Variants in PILRA observed in about 807,000 individuals in gnomAD.
PILRA encodes the protein paired immunoglobulin-like type 2 receptor alpha.
PILRA carries 37 observed loss-of-function variants against 33.1 expected under a neutral mutation model. The observed-to-expected ratio is 1.12, with a 90% CI of 0.86 to 1.47. The LOEUF is 1.47. Among genes scored for constraint, PILRA ranks in the 40% most tolerant of loss-of-function variants. PILRA has a pLI of 0.00. For synonymous variants in PILRA, 146 were observed against 149.9 expected (o/e 0.97, Z 0.19); for missense variants, 312 against 376.2 (o/e 0.83, Z 1.41).
At chr7:100,395,336 G>C (rs1240934475) in intron 3 of PILRA, among the ~76,000 whole-genome samples, 1 of 152,102 alleles carries the variant, frequency 6.6e-6, no homozygotes, top group Non-Finnish European at 1.5e-5. Flanking sequence ...TTTCAGGAGT[G>C]GGTTCACTGT....
At chr7:100,385,993 G>C (rs375594234) in intron 2 of PILRA, among the ~76,000 whole-genome samples, 1 of 150,432 alleles carries the variant, frequency 6.6e-6, no homozygotes, top group Non-Finnish European at 1.5e-5. Flanking sequence ...GAGGTGGCAC[G>C]ATCTCAGCTC....
At chr7:100,387,359 A>G (rs1019090675) in intron 2 of PILRA, among the ~76,000 whole-genome samples, 1 of 152,022 alleles carries the variant, frequency 6.6e-6, no homozygotes, top group Non-Finnish European at 1.5e-5. Flanking sequence ...GATTACAGGC[A>G]CCCGCCACCA....
Position 100,399,119 on chromosome 7 carries a change from T to C in PILRA, c.708-172T>C, listed in dbSNP as rs1325153721. 2.0e-5 allele frequency among the ~76,000 whole-genome samples: 3 copies of C among 151,980 alleles called. No individual in the cohort carries two copies. In the East Asian group the frequency reaches 5.8e-4, roughly 29 times the overall value. Reference sequence around the variant, plus strand: ...ACGTCTGGCTAGTTTTTGTATTTATTGTAGAGATGGGGTCTCGCTATGTTG... The same window carrying C: ...ACGTCTGGCTAGTTTTTGTATTTATCGTAGAGATGGGGTCTCGCTATGTTG... On this transcript the variant is annotated intron_variant, in intron 4 of 6. Transcript: ENST00000198536.
chr7:100,374,449 C>T lies in PILRA; in HGVS notation c.454+16C>T, dbSNP rs1284410013. The T allele has an allele frequency of 1.9e-6, 3 of 1,613,528 alleles. No individual in the cohort carries two copies. Among genetic ancestry groups the T allele is most frequent in the Non-Finnish European group, 2.5e-6 (3 of 1,179,968 alleles). On this transcript the variant is annotated intron_variant, in intron 2 of 6. Coordinates refer to ENST00000198536, the MANE Select transcript of PILRA (RefSeq NM_013439.3). ...ATCACCCAGGGTGAGTCCAGCTGCC[C>T]TGGCACCCGCTTTGCCCACCGCAGT...
At chr7:100,387,579 G>C (rs1791281702) in intron 2 of PILRA, among the ~76,000 whole-genome samples, 2 of 152,132 alleles carry the variant, frequency 1.3e-5, no homozygotes, top group Non-Finnish European at 2.9e-5. Flanking sequence ...AGAGGTTCAT[G>C]CTTGTAGTCC....
At position 100,399,898 on chromosome 7, in the gene PILRA, A is replaced by G; in HGVS notation, c.903A>G (p.Leu301=). The change falls in exon 7 of 7, where the codon TTA becomes TTG. Residue 301 remains leucine, a synonymous_variant. Coordinates refer to ENST00000198536, the MANE Select transcript of PILRA (RefSeq NM_013439.3). ...SPQNETLYSV[L]KA is the part of the protein sequence containing the mutation. ...AGAACGAGACCCTGTACTCTGTCTT[A>G]AAGGCCTAACCAATGGACAGCCCTC... The G allele has an allele frequency of 6.2e-7, 1 of 1,608,360 alleles. No individual in the cohort carries two copies.
At position 100,383,330 on chromosome 7, in the gene PILRA, G is replaced by T. The variant is rs947086752; in HGVS notation, c.455-6558G>T. Among the ~76,000 whole-genome samples, 8 of 152,272 alleles carry T rather than the reference G, an allele frequency of 5.3e-5. No individual in the cohort carries two copies. In the East Asian group the frequency reaches 1.5e-3, roughly 29 times the overall value. ...CAGGGCACCCGAGCCCACAGATGGG[G>T]TCCTCCAAGGCCAGCTCCAAAGGCA... On this transcript the variant is annotated intron_variant, in intron 2 of 6. Transcript: ENST00000198536.
intron 3 of PILRA, among the ~76,000 whole-genome samples, chr7:100,395,666 C>T (rs191945762): frequency 2.0e-5 from 3 of 152,036 alleles, no homozygotes; most frequent in Admixed American, 1.3e-4. Context: ...ATCAGAACTA[C>T]AGAGAGCTAT....
chr7:100,383,103 G>C (rs1791155266), intron 2 of PILRA, among the ~76,000 whole-genome samples: 1 of 152,182 alleles, frequency 6.6e-6, no homozygotes, highest in East Asian at 1.9e-4. Flanking sequence ...ACATTGAACA[G>C]GGAAGGCTGC....
chr7:100,394,765 T>C (rs1194585535), intron 3 of PILRA, among the ~76,000 whole-genome samples: 4 of 152,098 alleles, frequency 2.6e-5, no homozygotes, highest in South Asian at 4.1e-4. Context: ...ACAAATGGCA[T>C]TGGGAAAACT....
chr7:100,392,652 C>CCA (rs1791413796), intron 3 of PILRA, among the ~76,000 whole-genome samples: 1 of 151,946 alleles, frequency 6.6e-6, no homozygotes, highest in Non-Finnish European at 1.5e-5. Context: ...TATTCATACA[C>CCA]AGATAAAGCA....
At chr7:100,394,105 A>G (rs1791444136) in intron 3 of PILRA, among the ~76,000 whole-genome samples, 1 of 152,222 alleles carries the variant, frequency 6.6e-6, no homozygotes, top group Non-Finnish European at 1.5e-5. Context: ...AGACACCCCC[A>G]GGATTAGAGA....
upstream of PILRA, among the ~76,000 whole-genome samples, chr7:100,372,255 G>T (rs1790833110): frequency 2.2e-5 from 3 of 136,554 alleles, no homozygotes; most frequent in South Asian, 7.8e-4. Flanking sequence ...AGACGGAGGG[G>T]TTTCCTGAGC....
chr7:100,398,597 C>T (rs1433323453), intron 4 of PILRA, among the ~76,000 whole-genome samples: 1 of 152,210 alleles, frequency 6.6e-6, no homozygotes, highest in Non-Finnish European at 1.5e-5. Flanking sequence ...TATCCATTCA[C>T]CCAGCCTGAA....
At chr7:100,399,451 C>G (rs1157343141) in intron 5 of PILRA, 111 bp downstream of exon 5, 3 of 1,373,094 alleles carry the variant, frequency 2.2e-6, no homozygotes, top group Non-Finnish European at 3.1e-6. Context: ...CTTTCCATTC[C>G]TTGCCCCTTG....
chr7:100,393,288 A>G (rs1341235134), intron 3 of PILRA, among the ~76,000 whole-genome samples: 2 of 152,130 alleles, frequency 1.3e-5, no homozygotes, highest in Non-Finnish European at 2.9e-5. Context: ...TCAAACAAAA[A>G]AAAAAAAATT....
chr7:100,373,655 C>T lies in PILRA; in HGVS notation c.-2C>T. The T allele has an allele frequency of 6.2e-7, 1 of 1,613,614 alleles. No homozygotes were observed. Among genetic ancestry groups the T allele is most frequent in the Non-Finnish European group, 8.5e-7 (1 of 1,179,968 alleles). ...CCCCGTCCCCTGGAGAAGAACAAGGCCATGGGTCGGCCCCTGCTGCTGCCC... is the reference window on the plus strand; with the variant it reads ...CCCCGTCCCCTGGAGAAGAACAAGGTCATGGGTCGGCCCCTGCTGCTGCCC... On this transcript the variant is annotated 5_prime_UTR_variant, in exon 1 of 7. Coordinates refer to ENST00000198536, the MANE Select transcript of PILRA (RefSeq NM_013439.3).
At chr7:100,387,805 T>C (rs139169899) in intron 2 of PILRA, among the ~76,000 whole-genome samples, 1 of 152,370 alleles carries the variant, frequency 6.6e-6, no homozygotes, top group East Asian at 1.9e-4. Flanking sequence ...TCATTAGGTT[T>C]GCTAGTCTTG....
At chr7:100,382,196 T>C (rs906002153) in intron 2 of PILRA, among the ~76,000 whole-genome samples, 2 of 152,236 alleles carry the variant, frequency 1.3e-5, no homozygotes, top group Non-Finnish European at 2.9e-5. Flanking sequence ...GCTGGGCTCC[T>C]GAGTCTAGTG....
Sources: allele counts gnomAD v4.1 joint callset (sites outside exome capture counted in the v4.1 genomes callset), GRCh38; gene constraint gnomAD v4.1.1; transcripts MANE v1.5; gene names NCBI Gene and HGNC (gene_info 2026-07-23, HGNC 2026-07-21).